Variants in FTCDNL1 observed in about 807,000 individuals in gnomAD.
FTCDNL1 encodes formiminotransferase cyclodeaminase N-terminal like, also known as formiminotransferase N-terminal subdomain-containing protein.
Under a neutral mutation model 5.9 loss-of-function variants are expected in FTCDNL1, and 11 were observed. That is an observed-to-expected ratio of 1.87 (90% CI 1.18 to 3.10). The LOEUF (loss-of-function observed/expected upper bound fraction) is 3.10. Among genes scored for constraint, FTCDNL1 ranks in the 30% most tolerant of loss-of-function variants. FTCDNL1 has a pLI of 0.00. For synonymous variants in FTCDNL1, 58 were observed against 24.8 expected (o/e 2.34, Z -3.99); for missense variants, 115 against 65.5 (o/e 1.76, Z -2.61).
At chr2:199,815,544 CA>C (rs536879911) in intron 4 of FTCDNL1, among the ~76,000 whole-genome samples, 4 of 148,918 alleles carry the variant, frequency 2.7e-5, no homozygotes, top group African/African-American at 4.9e-5. Flanking sequence ...CTGACATAAC[CA>C]AAAAAAAAGT....
At chr2:199,749,366 T>C in the FTCDNL1 span, among the ~76,000 whole-genome samples, 2 of 152,280 alleles carry the variant, frequency 1.3e-5, no homozygotes, top group East Asian at 1.9e-4. Flanking sequence ...ATTGACTGTT[T>C]TGCAAAAAGT....
At chr2:199,837,730 TA>T (rs1002607968) in intron 3 of FTCDNL1, among the ~76,000 whole-genome samples, 28 of 152,150 alleles carry the variant, frequency 1.8e-4, no homozygotes, top group African/African-American at 6.8e-4. Flanking sequence ...TATATTTTTT[TA>T]AAAAAATCAA....
chr2:199,781,483 T>A (rs1699357407), intron 3 of FTCDNL1, among the ~76,000 whole-genome samples: 1 of 152,220 alleles, frequency 6.6e-6, no homozygotes, highest in Admixed American at 6.5e-5. Context: ...ACTTGGTGCT[T>A]CTCTTTCATC....
the FTCDNL1 span, among the ~76,000 whole-genome samples, chr2:199,747,626 T>G: frequency 8.0e-5 from 12 of 150,638 alleles, no homozygotes; most frequent in African/African-American, 2.9e-4. Context: ...AGACCTTGGA[T>G]CACATCCAGG....
At chr2:199,711,587 C>A in the FTCDNL1 span, among the ~76,000 whole-genome samples, 11 of 152,168 alleles carry the variant, frequency 7.2e-5, no homozygotes, top group South Asian at 2.3e-3. Flanking sequence ...TACCATTTTG[C>A]AACACTGAGA....
At chr2:199,840,444 T>C (rs1285899032) in intron 3 of FTCDNL1, among the ~76,000 whole-genome samples, 1 of 152,014 alleles carries the variant, frequency 6.6e-6, no homozygotes, top group Non-Finnish European at 1.5e-5. Context: ...GGTTGGAAGA[T>C]TGGGAAGTGT....
chr2:199,695,212 A>G, the FTCDNL1 span, among the ~76,000 whole-genome samples: 1 of 152,276 alleles, frequency 6.6e-6, no homozygotes, highest in African/African-American at 2.4e-5. Flanking sequence ...GAGTTGGTGA[A>G]TAATTCTAAT....
chr2:199,786,282 A>G (rs1021055492), intron 3 of FTCDNL1, among the ~76,000 whole-genome samples: 7 of 151,660 alleles, frequency 4.6e-5, no homozygotes, highest in African/African-American at 1.7e-4. Flanking sequence ...CATACACATA[A>G]TGGGGACTTC....
chr2:199,826,415 T>C (rs1245979738), intron 3 of FTCDNL1, among the ~76,000 whole-genome samples: 3 of 146,608 alleles, frequency 2.0e-5, no homozygotes, highest in Non-Finnish European at 4.4e-5. Flanking sequence ...CCTCTCTATA[T>C]GTAAAATGGA....
chr2:199,826,903 A>G (rs1449186762), intron 3 of FTCDNL1, among the ~76,000 whole-genome samples: 2 of 152,246 alleles, frequency 1.3e-5, no homozygotes, highest in Non-Finnish European at 2.9e-5. Context: ...ATAGAAAAAA[A>G]TCCAACTAAT....
chr2:199,823,534 T>C (rs1205334264), intron 3 of FTCDNL1, among the ~76,000 whole-genome samples: 1 of 152,228 alleles, frequency 6.6e-6, no homozygotes, highest in Non-Finnish European at 1.5e-5. Flanking sequence ...GATGTTGTGT[T>C]AGCAGGCATG....
chr2:199,760,018 G>C (rs1698202403), downstream of FTCDNL1, among the ~76,000 whole-genome samples: 1 of 152,022 alleles, frequency 6.6e-6, no homozygotes, highest in Non-Finnish European at 1.5e-5. Context: ...GAAAAGTAGG[G>C]ATTTATGTCA....
At chr2:199,690,622 A>C in the FTCDNL1 span, among the ~76,000 whole-genome samples, 2 of 152,198 alleles carry the variant, frequency 1.3e-5, no homozygotes. Flanking sequence ...AAGTATCTCC[A>C]TGTTTGCATG....
the FTCDNL1 span, among the ~76,000 whole-genome samples, chr2:199,733,099 A>G: frequency 6.6e-6 from 1 of 152,176 alleles, no homozygotes; most frequent in South Asian, 2.1e-4. Flanking sequence ...TATCCCCCAA[A>G]GAGGCTTCAT....
At chr2:199,718,460 C>T in the FTCDNL1 span, among the ~76,000 whole-genome samples, 1 of 152,092 alleles carries the variant, frequency 6.6e-6, no homozygotes, top group African/African-American at 2.4e-5. Flanking sequence ...CTGATGGACA[C>T]GTAGGTTGAT....
intron 3 of FTCDNL1, among the ~76,000 whole-genome samples, chr2:199,780,291 A>G (rs965576676): frequency 5.3e-5 from 8 of 152,154 alleles, no homozygotes; most frequent in Admixed American, 4.6e-4. Flanking sequence ...TCCTCACAGA[A>G]GAAATTGACC....
At chr2:199,752,783 T>C in the FTCDNL1 span, among the ~76,000 whole-genome samples, 7 of 81,980 alleles carry the variant, frequency 8.5e-5, no homozygotes, top group African/African-American at 2.4e-4. Flanking sequence ...TGTGTGTGTA[T>C]GTGTGTGTGT....
chr2:199,824,458 G>A (rs1701896371), intron 3 of FTCDNL1, among the ~76,000 whole-genome samples: 2 of 152,166 alleles, frequency 1.3e-5, no homozygotes, highest in Non-Finnish European at 2.9e-5. Flanking sequence ...GTTCACTGTA[G>A]TAACACTTTT....
intron 3 of FTCDNL1, among the ~76,000 whole-genome samples, chr2:199,833,830 C>T (rs962279535): frequency 3.9e-5 from 6 of 152,180 alleles, no homozygotes; most frequent in African/African-American, 1.2e-4. Context: ...GTCCTGCCCT[C>T]CCCCTTTTCA....
Sources: allele counts gnomAD v4.1 joint callset (sites outside exome capture counted in the v4.1 genomes callset), GRCh38; gene constraint gnomAD v4.1.1; transcripts MANE v1.5; gene names NCBI Gene and HGNC (gene_info 2026-07-23, HGNC 2026-07-21).